Variants in ARID1B observed in about 807,000 individuals in gnomAD.
ARID1B encodes AT-rich interactive domain-containing protein 1B.
ARID1B carries 30 observed loss-of-function variants against 212.3 expected under a neutral mutation model. The observed-to-expected ratio is 0.14, with a 90% CI of 0.11 to 0.19. The LOEUF is 0.19. Among genes scored for constraint, ARID1B ranks in the 10% least tolerant of loss-of-function variants. ARID1B has a pLI of 1.00. For synonymous variants in ARID1B, 1,402 were observed against 1,301.7 expected, an observed-to-expected ratio of 1.08 and a Z score of -1.66; for missense variants, 2,891 against 3,204.0, an observed-to-expected ratio of 0.90 and a Z score of 2.36.
intron 4 of ARID1B, among the ~76,000 whole-genome samples, chr6:157,062,733 T>C (rs1247933920): frequency 6.6e-6 from 1 of 150,648 alleles, no homozygotes; most frequent in African/African-American, 2.4e-5. Context: ...GATGGAGTTT[T>C]GTTTTTGTTG....
intron 5 of ARID1B, among the ~76,000 whole-genome samples, chr6:157,087,504 G>A (rs1312117327): frequency 1.3e-5 from 2 of 152,220 alleles, no homozygotes; most frequent in African/African-American, 4.8e-5. Context: ...GTCACTGCAC[G>A]TGAGACAGGT....
chr6:157,156,368 C>T lies in ARID1B; in HGVS notation c.3089+7417C>T, dbSNP rs181287576. 3.3e-3 allele frequency among the ~76,000 whole-genome samples: 501 copies of T among 152,132 alleles called. 1 individual carries two copies. Among genetic ancestry groups the T allele is most frequent in the Non-Finnish European group, 5.6e-3 (378 of 68,006 alleles). ...CTAAATACTACGCTTTAATTTTTAG[C>T]CCCTTTTTTCTCTTCAAAATTTAGA... On this transcript the variant is annotated intron_variant, in intron 8 of 19. Coordinates refer to ENST00000636930, the MANE Select transcript of ARID1B (RefSeq NM_001374828.1).
At chr6:157,040,203 G>T in intron 4 of ARID1B, among the ~76,000 whole-genome samples, 1 of 152,208 alleles carries the variant, frequency 6.6e-6, no homozygotes, top group East Asian at 1.9e-4. Context: ...CTCCCAAAGT[G>T]CTGGGATTAC....
Position 156,817,186 on chromosome 6 carries a change from C to A in ARID1B, c.1792-12041C>A, listed in dbSNP as rs150500798. 3.8e-3 allele frequency among the ~76,000 whole-genome samples: 573 copies of A among 151,010 alleles called. 2 individuals carry two copies. The highest frequency in any genetic ancestry group is 0.013 in the African/African-American group (537 of 41,086). On this transcript the variant is annotated intron_variant, in intron 1 of 19. Coordinates refer to ENST00000636930, the MANE Select transcript of ARID1B (RefSeq NM_001374828.1). The stretch of plus-strand genomic sequence containing the variant: ...GATCACCTGAGGTCAAGAGTTCAGA[C>A]CAGCCTGGGCAAAACCCTGTCTCTA...
intron 2 of ARID1B, among the ~76,000 whole-genome samples, chr6:156,844,624 C>T (rs556819180): frequency 5.4e-4 from 82 of 152,266 alleles, no homozygotes; most frequent in African/African-American, 2.0e-3. Flanking sequence ...AGTGTTTGTT[C>T]TGGTGTGTTT....
chr6:157,001,597 A>G (rs573281391), intron 4 of ARID1B, among the ~76,000 whole-genome samples: 25 of 152,372 alleles, frequency 1.6e-4, no homozygotes, highest in Non-Finnish European at 3.2e-4. Context: ...TTAAAATGCC[A>G]GGGGACCTTG....
intron 2 of ARID1B, among the ~76,000 whole-genome samples, chr6:156,868,356 A>C (rs62435827): frequency 0.053 from 8,116 of 152,354 alleles, 258 homozygotes; most frequent in Middle Eastern, 0.11. Context: ...CCTGTGATAA[A>C]GAAATGGCTT....
intron 4 of ARID1B, among the ~76,000 whole-genome samples, chr6:157,055,608 G>T (rs1463834250): frequency 6.6e-6 from 1 of 152,208 alleles, no homozygotes; most frequent in Non-Finnish European, 1.5e-5. Flanking sequence ...AAAGGTAAGT[G>T]AGGTTTCAAA....
At chr6:157,182,791 C>T (rs992757899) in intron 12 of ARID1B, among the ~76,000 whole-genome samples, 2 of 152,108 alleles carry the variant, frequency 1.3e-5, no homozygotes, top group Non-Finnish European at 2.9e-5. Flanking sequence ...GATTGAGACA[C>T]GCCTCTCTCT....
chr6:156,995,943 G>A (rs796193307), intron 4 of ARID1B, among the ~76,000 whole-genome samples: 18 of 152,282 alleles, frequency 1.2e-4, no homozygotes, highest in African/African-American at 4.3e-4. Context: ...TCACTTGAGT[G>A]ATGAGAAGAG....
chr6:157,166,927 A>G, intron 8 of ARID1B, 113 bp from the exon 9 acceptor site: 2 of 1,402,312 alleles, frequency 1.4e-6, no homozygotes, highest in Non-Finnish European at 1.9e-6. Context: ...CACAAACATG[A>G]AAAGTTATAG....
chr6:156,973,071 C>T (rs1177248842), intron 4 of ARID1B, among the ~76,000 whole-genome samples: 1 of 152,152 alleles, frequency 6.6e-6, no homozygotes, highest in African/African-American at 2.4e-5. Context: ...CTAATAGTCT[C>T]ACATCATATA....
chr6:157,082,949 A>G (rs964821465), intron 4 of ARID1B, among the ~76,000 whole-genome samples: 2 of 152,340 alleles, frequency 1.3e-5, no homozygotes, highest in East Asian at 1.9e-4. Context: ...TGATTTTTAA[A>G]GAGAAGTTAA....
At chr6:156,846,957 C>T (rs1021855599) in intron 2 of ARID1B, among the ~76,000 whole-genome samples, 1 of 152,194 alleles carries the variant, frequency 6.6e-6, no homozygotes, top group Non-Finnish European at 1.5e-5. Flanking sequence ...TATCACTTGT[C>T]TTTCTGCTTT....
chr6:156,881,644 A>G (rs1647473340), intron 2 of ARID1B, among the ~76,000 whole-genome samples: 1 of 152,220 alleles, frequency 6.6e-6, no homozygotes, highest in African/African-American at 2.4e-5. Flanking sequence ...CTTTAGTGAT[A>G]CATACTGGTG....
At chr6:156,968,406 A>G (rs1393164579) in intron 4 of ARID1B, among the ~76,000 whole-genome samples, 1 of 152,230 alleles carries the variant, frequency 6.6e-6, no homozygotes, top group African/African-American at 2.4e-5. Context: ...TTAGTCTGAA[A>G]TTGACTATTC....
intron 8 of ARID1B, among the ~76,000 whole-genome samples, chr6:157,163,247 T>A (rs1009641325): frequency 6.6e-6 from 1 of 152,148 alleles, no homozygotes; most frequent in Non-Finnish European, 1.5e-5. Flanking sequence ...CCCAGGTCGC[T>A]GTGGTCTCGG....
rs369676501 is a variant in ARID1B at position 157,140,341 on chromosome 6, G to A, written c.2761+7134G>A. ...AAATATTAGCCTAATGTGGTGGCAC[G>A]CGCCTGTAATCCCAGCTACTCAGGA... On this transcript the variant is annotated intron_variant, in intron 7 of 19. Transcript: ENST00000636930. Among the ~76,000 whole-genome samples the A allele has an allele frequency of 4.5e-4, 69 of 152,062 alleles. No homozygotes were observed. In the East Asian group the frequency reaches 0.011, roughly 24 times the overall value.
intron 4 of ARID1B, among the ~76,000 whole-genome samples, chr6:157,004,636 T>C (rs973256317): frequency 1.3e-5 from 2 of 152,164 alleles, no homozygotes; most frequent in Non-Finnish European, 2.9e-5. Context: ...ATAGTTACCT[T>C]AAATTTAGAA....
Sources: allele counts gnomAD v4.1 joint callset (sites outside exome capture counted in the v4.1 genomes callset), GRCh38; gene constraint gnomAD v4.1.1; transcripts MANE v1.5; gene names NCBI Gene and HGNC (gene_info 2026-07-23, HGNC 2026-07-21).